TG: variants seen among roughly 807,000 people sequenced by gnomAD.
TG encodes the protein thyroid hormones.
A neutral mutation model predicts 324.7 loss-of-function variants in TG; 270 were observed. The observed-to-expected ratio is 0.83, with a 90% confidence interval of 0.75 to 0.92. The LOEUF (loss-of-function observed/expected upper bound fraction) is 0.92. Among genes scored for constraint, TG ranks in the 40% least tolerant of loss-of-function variants. The pLI is 0.00. For synonymous variants in TG, 1,401 were observed against 1,327.0 expected, an observed-to-expected ratio of 1.06 and a Z score of -1.21; for missense variants, 3,591 against 3,456.4, an observed-to-expected ratio of 1.04 and a Z score of -0.98.
intron 40 of TG, among the ~76,000 whole-genome samples, chr8:133,025,176 G>T (rs1014587978): frequency 9.2e-5 from 14 of 152,214 alleles, no homozygotes; most frequent in African/African-American, 3.4e-4. Flanking sequence ...TAAGGAAAGG[G>T]CAGAGCAGCA....
At chr8:132,969,133 A>C (rs1187413953) in intron 31 of TG, among the ~76,000 whole-genome samples, 1 of 152,110 alleles carries the variant, frequency 6.6e-6, no homozygotes, top group Non-Finnish European at 1.5e-5. Flanking sequence ...GTGGGATTCC[A>C]GAGGGCAGAT....
Position 132,923,505 on chromosome 8 carries a change from T to C in TG, c.4696T>C (p.Leu1566=), listed in dbSNP as rs148510036. ...GGCCCCTCTTGAGGACTCACAGTGT[T>C]TGAGTAGGTGCTGGGGGTGAAATCA... ...TEAPLEDSQC[L]MMQKFEKVPE... is the part of the protein sequence containing the mutation. The change falls in exon 22 of 48, where the codon TTG becomes CTG. Residue 1566 remains leucine (L), a synonymous_variant. Coordinates refer to ENST00000220616, the MANE Select transcript of TG (RefSeq NM_003235.5). 124 of 1,613,430 alleles carry C rather than the reference T, an allele frequency of 7.7e-5. No homozygotes were observed. The African/African-American group carries it at 1.5e-3, about 19-fold the overall frequency.
intron 26 of TG, among the ~76,000 whole-genome samples, chr8:132,941,924 AC>A (rs1279597040): frequency 6.6e-6 from 1 of 152,196 alleles, no homozygotes; most frequent in Non-Finnish European, 1.5e-5. Flanking sequence ...CCTTACTGTC[AC>A]TTGTGAAGCC....
intron 42 of TG, 93 bp from the exon 43 acceptor site, chr8:133,096,113 C>G: frequency 6.8e-7 from 1 of 1,468,842 alleles, no homozygotes; most frequent in Non-Finnish European, 9.5e-7. Flanking sequence ...GATGGATAAC[C>G]AGTATTGGCA....
chr8:133,093,130 T>G (rs1847833178), intron 41 of TG, among the ~76,000 whole-genome samples: 1 of 71,510 alleles, frequency 1.4e-5, no homozygotes, highest in East Asian at 2.5e-4. Context: ...TTTTCTTTTC[T>G]TTTCTTTTCT....
chr8:132,994,696 C>G, intron 35 of TG: 1 of 1,288,322 alleles, frequency 7.8e-7, no homozygotes, highest in Non-Finnish European at 1.0e-6. Context: ...ATTACAGAAG[C>G]ATCTACCTCT....
intron 27 of TG, among the ~76,000 whole-genome samples, chr8:132,954,886 C>G (rs2739076): frequency 0.48 from 72,890 of 151,742 alleles, 20,253 homozygotes; most frequent in Non-Finnish European, 0.61. Flanking sequence ...ATCTGCTTCA[C>G]TCTGGGAAGT....
chr8:132,942,976 T>C (rs1824671521), intron 26 of TG, among the ~76,000 whole-genome samples: 1 of 152,128 alleles, frequency 6.6e-6, no homozygotes, highest in African/African-American at 2.4e-5. Context: ...AGGAAGCAGG[T>C]GTTTTTTGGT....
rs143950166 is a variant in TG at position 133,133,592 on chromosome 8, G to A, written c.8120G>A (p.Arg2707Gln). ...GAGTTCAGTGAGCTGCTCCCCAATC[G>A]ACAGGGCCTGAAGAAAGCCGACTGC... ...YKEFSELLPN[R>Q]QGLKKADCSF... Residue 2707 changes from arginine to glutamine, a missense_variant, in exon 47 of 48, where the codon CGA becomes CAA. Transcript: ENST00000220616. 48 of 1,614,074 alleles carry A rather than the reference G, an allele frequency of 3.0e-5. No individual in the cohort carries two copies. Among genetic ancestry groups the A allele is most frequent in the East Asian group, 2.0e-4 (9 of 44,892 alleles).
intron 43 of TG, among the ~76,000 whole-genome samples, chr8:133,099,327 C>T (rs150415681): frequency 2.2e-4 from 34 of 152,320 alleles, no homozygotes; most frequent in Middle Eastern, 3.4e-3. Flanking sequence ...ATTAGTGAAG[C>T]CACTGAGCAG....
At chr8:133,006,270 C>T in intron 35 of TG, among the ~76,000 whole-genome samples, 1 of 152,178 alleles carries the variant, frequency 6.6e-6, no homozygotes, top group East Asian at 1.9e-4. Flanking sequence ...CAAAACAAAA[C>T]CAAAACCAAA....
chr8:133,074,157 T>C (rs1844511994), intron 41 of TG, among the ~76,000 whole-genome samples: 2 of 152,330 alleles, frequency 1.3e-5, no homozygotes, highest in African/African-American at 4.8e-5. Context: ...AACATGCTGT[T>C]TTCAGAATTT....
At chr8:133,030,392 TG>T (rs917385071) in intron 41 of TG, among the ~76,000 whole-genome samples, 1 of 152,160 alleles carries the variant, frequency 6.6e-6, no homozygotes, top group Non-Finnish European at 1.5e-5. Flanking sequence ...GCCGGCTACG[TG>T]AGGCTGATGA....
At chr8:132,873,734 G>T (rs1292791070) in intron 5 of TG, among the ~76,000 whole-genome samples, 2 of 152,160 alleles carry the variant, frequency 1.3e-5, no homozygotes, top group African/African-American at 2.4e-5. Context: ...TGAGCAAAAA[G>T]ATTCTTTATT....
rs147151858 is a variant in TG, at chr8:132,970,761, A to C, written c.5976-1033A>C. Among the ~76,000 whole-genome samples, 240 of 152,300 alleles carry C rather than the reference A, an allele frequency of 1.6e-3. 3 individuals are homozygous for C. The highest frequency in any genetic ancestry group is 5.6e-3 in the African/African-American group (233 of 41,556). On this transcript the variant is annotated intron_variant, in intron 32 of 47. Coordinates refer to ENST00000220616, the MANE Select transcript of TG (RefSeq NM_003235.5). ...GGGAGTAGATTGTGCGTCTGGACTC[A>C]GGAAAATGTAGTTGGCTGGGAAAAT...
chr8:133,039,149 G>A (rs1282556068), intron 41 of TG, among the ~76,000 whole-genome samples: 1 of 152,146 alleles, frequency 6.6e-6, no homozygotes. Context: ...AAAGTGCTGG[G>A]GTTACAGGCG....
chr8:133,109,264 C>T (rs932548959), intron 43 of TG, among the ~76,000 whole-genome samples: 1 of 152,136 alleles, frequency 6.6e-6, no homozygotes, highest in South Asian at 2.1e-4. Flanking sequence ...TTAAAATGCA[C>T]GTTCCTGGGC....
At chr8:132,926,377 C>T (rs865488) in intron 22 of TG, among the ~76,000 whole-genome samples, 102,073 of 152,144 alleles carry the variant, frequency 0.67, 34,631 homozygotes, top group East Asian at 0.76. Flanking sequence ...GAGATTCTGC[C>T]TATGCAATGC....
chr8:132,885,508 T>C (rs907830463), intron 8 of TG, among the ~76,000 whole-genome samples: 4 of 151,998 alleles, frequency 2.6e-5, no homozygotes, highest in Non-Finnish European at 5.9e-5. Flanking sequence ...GCATTTCAGA[T>C]ATGGTTCTTG....
Sources: gnomAD v4.1 joint callset for allele counts (sites outside exome capture counted in the v4.1 genomes callset) on GRCh38, gnomAD v4.1.1 for gene constraint, MANE v1.5 for transcripts, NCBI Gene and HGNC (gene_info 2026-07-23, HGNC 2026-07-21) for gene names.